LONP1: variants seen among roughly 807,000 people sequenced by gnomAD.
LONP1 encodes the protein lon peptidase 1, mitochondrial.
Under a neutral mutation model 98.5 loss-of-function variants are expected in LONP1, and 31 were observed. The observed-to-expected ratio is 0.31, with a 90% CI of 0.24 to 0.42. The LOEUF is 0.42. LONP1 is among the 20% of genes least tolerant of loss of function. The pLI is 1.00. For missense variants in LONP1, 1,336 were observed against 1,350.6 expected, an observed-to-expected ratio of 0.99 and a Z score of 0.17; for synonymous variants, 781 against 594.7, an observed-to-expected ratio of 1.31 and a Z score of -4.56.
chr19:5,709,685 G>A (rs903088148), intron 4 of LONP1, among the ~76,000 whole-genome samples: 7 of 151,892 alleles, frequency 4.6e-5, no homozygotes, highest in Non-Finnish European at 1.0e-4. Context: ...TAAGGCGGGC[G>A]GATCACGAGG....
At chr19:5,702,048 C>G (rs2145599599) in intron 8 of LONP1, among the ~76,000 whole-genome samples, 1 of 151,452 alleles carries the variant, frequency 6.6e-6, no homozygotes, top group Non-Finnish European at 1.5e-5. Context: ...CGTCTCCGCC[C>G]AGCAGCCACC....
In LONP1 at chr19:5,708,364, T is replaced by C. The variant is rs776876809; in HGVS notation, c.910A>G (p.Ile304Val). ...CACCTGTAGAGAGGGTTCAAGGCAA[T>C]GATGTCCCGGATGGTCTTCACGATC... ...AEIVKTIRDI[I>V]ALNPLYRESV... is the part of the protein sequence containing the mutation. The change falls in exon 5 of 18, where the codon ATT becomes GTT. Residue 304 changes from isoleucine (I) to valine (V), a missense_variant. Physicochemically the swap from Ile to Val is conservative, Grantham distance 29 (BLOSUM62 3). Transcript: ENST00000360614. 2.0e-6 allele frequency: 3 copies of C among 1,503,114 alleles called. No homozygotes were observed. The highest frequency in any genetic ancestry group is 2.7e-6 in the Non-Finnish European group (3 of 1,113,638). 93.1% of individuals were successfully genotyped at this position (1,503,114 alleles called of 1,614,324 possible).
chr19:5,707,380 C>T (rs539253960), intron 6 of LONP1, among the ~76,000 whole-genome samples: 2 of 152,332 alleles, frequency 1.3e-5, no homozygotes, highest in East Asian at 3.9e-4. Context: ...AGGAGTGCTG[C>T]TCACAACAGC....
At chr19:5,695,547 C>T (rs1330758735) in intron 13 of LONP1, among the ~76,000 whole-genome samples, 3 of 152,166 alleles carry the variant, frequency 2.0e-5, no homozygotes, top group Admixed American at 2.0e-4. Flanking sequence ...GCTGGGAGGG[C>T]CTCAAGGGCA....
chr19:5,703,763 C>G (rs1428045571), intron 8 of LONP1, among the ~76,000 whole-genome samples: 2 of 152,052 alleles, frequency 1.3e-5, no homozygotes, highest in Non-Finnish European at 2.9e-5. Flanking sequence ...AGCTGGCAGC[C>G]TGCTGCAGGC....
chr19:5,710,706 C>G (rs114611591), intron 4 of LONP1, among the ~76,000 whole-genome samples: 1 of 152,070 alleles, frequency 6.6e-6, no homozygotes, highest in Non-Finnish European at 1.5e-5. Context: ...GTTCCTTGGC[C>G]ACAGCAGCTC....
intron 13 of LONP1, 68 bp from the exon 14 acceptor site, chr19:5,694,969 A>G: frequency 1.3e-6 from 2 of 1,528,772 alleles, no homozygotes; most frequent in Non-Finnish European, 1.8e-6. Flanking sequence ...AGAACCTGGG[A>G]GCCAATGCCT....
intron 9 of LONP1, among the ~76,000 whole-genome samples, chr19:5,700,424 A>AT (rs1484792090): frequency 3.3e-5 from 5 of 151,880 alleles, no homozygotes; most frequent in Non-Finnish European, 7.4e-5. Context: ...CAATTTTAAA[A>AT]TTTTTTGTAG....
upstream of LONP1, chr19:5,720,375 C>T (rs1420559271): frequency 1.3e-5 from 8 of 613,892 alleles, no homozygotes; most frequent in Admixed American, 1.1e-4. Flanking sequence ...TGTGAGCAGG[C>T]GCCAGCGCCC....
chr19:5,720,053 G>A lies in LONP1; in HGVS notation c.80C>T (p.Ala27Val), dbSNP rs1206855465. Residue 27 changes from alanine (A) to valine (V), a missense_variant, in exon 1 of 18, where the codon GCC becomes GTC. By Grantham distance (64) the Ala-to-Val change is moderately conservative (BLOSUM62 0). Coordinates refer to ENST00000360614, the MANE Select transcript of LONP1 (RefSeq NM_004793.4). ...TGCTGCAGTGGGAACCCGCCCCCCG[G>A]CGGCGGCCAGCATCGGCCGCCGCAG... Reference protein sequence around the residue: ...WVLRRPMLAAAGGRVPTAAGA... With the variant: ...WVLRRPMLAAVGGRVPTAAGA... 2 of 1,536,516 alleles carry A rather than the reference G, an allele frequency of 1.3e-6. No individual in the cohort carries two copies. Among genetic ancestry groups the A allele is most frequent in the East Asian group, 2.5e-5 (1 of 39,696 alleles).
chr19:5,719,758 C>T lies in LONP1; in HGVS notation c.375G>A (p.Pro125=). 1 of 1,613,674 alleles carries T rather than the reference C, an allele frequency of 6.2e-7. No individual in the cohort carries two copies. The highest frequency in any genetic ancestry group is 8.5e-7 in the Non-Finnish European group (1 of 1,180,016). ...MTIPDVFPHL[P]LIAITRNPVF... is the part of the protein sequence containing the mutation. ...CCGGGTTGCGGGTGATGGCGATGAG[C>T]GGCAGGTGCGGAAACACATCGGGGA... Residue 125 remains proline (P), a synonymous_variant, in exon 1 of 18, where the codon CCG becomes CCA. Transcript: ENST00000360614.
intron 4 of LONP1, 22 bp from the exon 5 acceptor site, chr19:5,708,425 C>G: frequency 8.7e-7 from 1 of 1,151,256 alleles, no homozygotes; most frequent in African/African-American, 1.6e-5. Flanking sequence ...GGGGCAGGGT[C>G]GCTGGGGCCC....
intron 3 of LONP1, 149 bp downstream of exon 3, chr19:5,712,985 C>G (rs2055260817): frequency 2.8e-6 from 3 of 1,064,730 alleles, no homozygotes; most frequent in Non-Finnish European, 4.2e-6. Context: ...ATGTCTCACT[C>G]TCACCCCCAG....
chr19:5,706,916 C>A, intron 7 of LONP1, 144 bp downstream of exon 7: 1 of 655,820 alleles, frequency 1.5e-6, no homozygotes, highest in South Asian at 1.7e-5. Flanking sequence ...GATGATGGCA[C>A]GAAGCCCTCA....
At chr19:5,700,341 G>A (rs964029265) in intron 9 of LONP1, among the ~76,000 whole-genome samples, 3 of 152,156 alleles carry the variant, frequency 2.0e-5, no homozygotes, top group African/African-American at 7.2e-5. Context: ...TTCAACTCCC[G>A]ACCTCAGGTG....
rs757189076 is a variant in LONP1, at chr19:5,692,077, G to A, written c.2835C>T (p.Ile945=). 6.2e-6 allele frequency: 10 copies of A among 1,610,850 alleles called. No individual in the cohort carries two copies. In the East Asian group the frequency reaches 6.7e-5, roughly 11 times the overall value. ...CCTCTGCCTGCTCGTCCGGGAAGGC[G>A]ATGTCGAAGATCTCCCGGTAGTGTT... ...FVEHYREIFD[I]AFPDEQAEAL... Residue 945 remains isoleucine (I), a synonymous_variant, in exon 18 of 18, where the codon ATC becomes ATT. Transcript: ENST00000360614.
At chr19:5,714,712 G>A (rs1361514907) in intron 1 of LONP1, among the ~76,000 whole-genome samples, 3 of 145,678 alleles carry the variant, frequency 2.1e-5, no homozygotes, top group East Asian at 2.1e-4. Flanking sequence ...TCCGCCTCCC[G>A]GGATCAAGCA....
chr19:5,702,966 A>G (rs2012600), intron 8 of LONP1, among the ~76,000 whole-genome samples: 31,190 of 148,256 alleles, frequency 0.21, 3,489 homozygotes, highest in Middle Eastern at 0.33. Context: ...CTATTGTCCT[A>G]TGACCCTGCC....
rs574630745 is a variant in LONP1 at position 5,716,722 on chromosome 19, T to C, written c.430-2451A>G. Among the ~76,000 whole-genome samples, 129 of 152,226 alleles carry C rather than the reference T, an allele frequency of 8.5e-4. 1 individual carries two copies. Among genetic ancestry groups the C allele is most frequent in the African/African-American group, 3.1e-3 (127 of 41,526 alleles). ...CAAAAAGTTTTCTTAGCAAGACAAT[T>C]TTACTTTCTGAAGAAAGGGTGCTCC... is the stretch of plus-strand genomic sequence containing the variant. On this transcript the variant is annotated intron_variant, in intron 1 of 17. Coordinates refer to ENST00000360614, the MANE Select transcript of LONP1 (RefSeq NM_004793.4).
Sources: gnomAD v4.1 joint callset for allele counts (sites outside exome capture counted in the v4.1 genomes callset) on GRCh38, gnomAD v4.1.1 for gene constraint, MANE v1.5 for transcripts, NCBI Gene and HGNC (gene_info 2026-07-23, HGNC 2026-07-21) for gene names.